COL24A1: variants seen among roughly 807,000 people sequenced by gnomAD.
COL24A1 encodes collagen type XXIV alpha 1 chain, also known as collagen alpha-1(XXIV) chain.
COL24A1 carries 224 observed loss-of-function variants against 253.9 expected under a neutral mutation model. The observed-to-expected ratio is 0.88, with a 90% CI of 0.79 to 0.99. The LOEUF (loss-of-function observed/expected upper bound fraction) is 0.99, where lower values mean the gene tolerates loss of function less well. COL24A1 is among the 50% of genes least tolerant of loss of function. COL24A1 has a pLI of 0.00. For missense variants in COL24A1, 2,131 were observed against 2,068.5 expected, an observed-to-expected ratio of 1.03 and a Z score of -0.59; for synonymous variants, 685 against 673.7, an observed-to-expected ratio of 1.02 and a Z score of -0.26.
chr1:85,744,024 C>T (rs1312504167), intron 57 of COL24A1, among the ~76,000 whole-genome samples: 8 of 152,148 alleles, frequency 5.3e-5, no homozygotes, highest in South Asian at 2.1e-4. Context: ...TCAAATCATA[C>T]ATTTTTTTTT....
At chr1:86,063,024 C>T (rs1055357535) in intron 8 of COL24A1, among the ~76,000 whole-genome samples, 1 of 152,032 alleles carries the variant, frequency 6.6e-6, no homozygotes, top group African/African-American at 2.4e-5. Flanking sequence ...TAATATCTTA[C>T]CCTTTTCACT....
At chr1:86,039,940 A>T (rs1287579987) in intron 12 of COL24A1, among the ~76,000 whole-genome samples, 1 of 152,138 alleles carries the variant, frequency 6.6e-6, no homozygotes, top group African/African-American at 2.4e-5. Context: ...CTATCCTCAT[A>T]ATTGAGACTA....
chr1:85,800,397 T>C (rs1446096507), intron 47 of COL24A1, among the ~76,000 whole-genome samples: 3 of 152,190 alleles, frequency 2.0e-5, no homozygotes, highest in Admixed American at 6.5e-5. Flanking sequence ...CTAAAGTTAC[T>C]GATGACCTCC....
intron 35 of COL24A1, among the ~76,000 whole-genome samples, chr1:85,872,290 A>T (rs559484791): frequency 2.0e-5 from 3 of 152,332 alleles, no homozygotes; most frequent in East Asian, 3.9e-4. Context: ...TATAGATTCA[A>T]TACCATCCCC....
rs1318203430 is a variant in COL24A1, at chr1:85,745,517, C to G, written c.4438-11G>C. 1 of 1,603,752 alleles carries G rather than the reference C, an allele frequency of 6.2e-7. No individual in the cohort carries two copies. The highest frequency in any genetic ancestry group is 8.5e-7 in the Non-Finnish European group (1 of 1,175,410). Reference sequence around the variant, plus strand: ...GATATCCATTTGCTTCTGTGTAAAACAAAACCATTTGAGATTAGCAATAAG... The same window carrying G: ...GATATCCATTTGCTTCTGTGTAAAAGAAAACCATTTGAGATTAGCAATAAG... On this transcript the variant is annotated splice_polypyrimidine_tract_variant and intron_variant, in intron 55 of 59. Transcript: ENST00000370571.
chr1:86,007,067 T>TAAC (rs1186695776), intron 19 of COL24A1, among the ~76,000 whole-genome samples: 60 of 151,602 alleles, frequency 4.0e-4, no homozygotes, highest in African/African-American at 1.3e-3. Flanking sequence ...ATAATAATAA[T>TAAC]AGCTGGGCAC....
At chr1:85,816,651 A>AT in intron 47 of COL24A1, 137 bp downstream of exon 47, 1 of 683,462 alleles carries the variant, frequency 1.5e-6, no homozygotes, top group Non-Finnish European at 2.6e-6. Context: ...ATACAACTGC[A>AT]TAATAGCTAT....
chr1:86,127,370 C>A (rs1648477773), intron 2 of COL24A1, among the ~76,000 whole-genome samples: 1 of 152,006 alleles, frequency 6.6e-6, no homozygotes. Flanking sequence ...CAATTAAAAG[C>A]TTCTGGAAAA....
intron 34 of COL24A1, 37 bp from the exon 35 acceptor site, chr1:85,874,739 C>G: frequency 1.1e-5 from 18 of 1,604,716 alleles, no homozygotes; most frequent in Non-Finnish European, 1.5e-5. Context: ...CTCTTTTCTA[C>G]TAAGACTGCA....
At chr1:85,880,857 T>A (rs975794384) in intron 32 of COL24A1, among the ~76,000 whole-genome samples, 1 of 152,310 alleles carries the variant, frequency 6.6e-6, no homozygotes, top group South Asian at 2.1e-4. Context: ...ACCAGCCTTG[T>A]ATACCTGGAA....
chr1:85,813,556 T>A (rs1432951561), intron 47 of COL24A1, among the ~76,000 whole-genome samples: 2 of 84,042 alleles, frequency 2.4e-5, no homozygotes, highest in Non-Finnish European at 5.5e-5. Flanking sequence ...TTTTTTTTTT[T>A]TTTTTTTTTT....
chr1:85,781,939 A>G (rs1360619960), intron 51 of COL24A1, among the ~76,000 whole-genome samples: 1 of 152,220 alleles, frequency 6.6e-6, no homozygotes, highest in African/African-American at 2.4e-5. Context: ...CAAAATGCCC[A>G]TTTTAGTTTT....
At chr1:86,034,423 CATT>C (rs1399453816) in intron 12 of COL24A1, among the ~76,000 whole-genome samples, 1 of 152,098 alleles carries the variant, frequency 6.6e-6, no homozygotes, top group South Asian at 2.1e-4. Flanking sequence ...AATATTCTCA[CATT>C]GTTGTTGAGG....
intron 52 of COL24A1, among the ~76,000 whole-genome samples, chr1:85,778,000 T>C (rs1668732965): frequency 6.8e-6 from 1 of 146,866 alleles, no homozygotes; most frequent in Non-Finnish European, 1.5e-5. Flanking sequence ...GAGCTCTTGG[T>C]ATATGTGTGT....
rs1346988058 is a variant in COL24A1, at chr1:86,034,472, A to T, written c.1951-549T>A. Among the ~76,000 whole-genome samples, 7 of 152,094 alleles carry T rather than the reference A, an allele frequency of 4.6e-5. No individual in the cohort carries two copies. In the South Asian group the frequency reaches 1.5e-3, roughly 32 times the overall value. On this transcript the variant is annotated intron_variant, in intron 12 of 59. Transcript: ENST00000370571. ...ACAGAGAGTGTAGGTCACTTGCTCA[A>T]GGTTAGACCATTAAAAATGGGTGGG...
rs566489114 is a variant in COL24A1, at chr1:85,878,527, A to G, written c.2977-1352T>C. ...CTTCAAATTTTTTGCACCTATAAAT[A>G]AAGCTGCTATAAACATTCTTGTACA... On this transcript the variant is annotated intron_variant, in intron 32 of 59. Transcript: ENST00000370571. 3.3e-5 allele frequency among the ~76,000 whole-genome samples: 5 copies of G among 152,332 alleles called. No homozygotes were observed. In the South Asian group the frequency reaches 1.0e-3, roughly 32 times the overall value.
chr1:86,134,725 A>G (rs1649934790), intron 2 of COL24A1, among the ~76,000 whole-genome samples: 1 of 23,472 alleles, frequency 4.3e-5, no homozygotes, highest in Non-Finnish European at 1.4e-4. Context: ...AATTTGTTAT[A>G]ATTTTTGTTC....
intron 19 of COL24A1, among the ~76,000 whole-genome samples, chr1:85,989,742 ACT>A (rs1235606255): frequency 6.6e-6 from 1 of 151,962 alleles, no homozygotes. Context: ...GATAATATAT[ACT>A]CTCTTTCAAT....
chr1:85,736,940 T>C (rs1664120054), intron 58 of COL24A1, among the ~76,000 whole-genome samples: 1 of 152,172 alleles, frequency 6.6e-6, no homozygotes, highest in African/African-American at 2.4e-5. Context: ...TTAGTAGTAT[T>C]CTGTGGATGT....
Sources: gnomAD v4.1 joint callset for allele counts (sites outside exome capture counted in the v4.1 genomes callset) on GRCh38, gnomAD v4.1.1 for gene constraint, MANE v1.5 for transcripts, NCBI Gene and HGNC (gene_info 2026-07-23, HGNC 2026-07-21) for gene names.